EFCAB5: variants seen among roughly 807,000 people sequenced by gnomAD.
The protein encoded by EFCAB5 is EF-hand calcium-binding domain-containing protein 5.
In EFCAB5, 131 loss-of-function variants were observed where a neutral mutation model predicts 167.9. The observed-to-expected ratio is 0.78, with a 90% CI of 0.68 to 0.90. The LOEUF (loss-of-function observed/expected upper bound fraction) is 0.90, where lower values mean the gene tolerates loss of function less well. EFCAB5 is among the 40% of genes least tolerant of loss of function. The pLI, the probability that EFCAB5 is intolerant of heterozygous loss-of-function variation, is 0.00. For synonymous variants in EFCAB5, 574 were observed against 602.8 expected (o/e 0.95, Z 0.70); for missense variants, 1,663 against 1,745.2 (o/e 0.95, Z 0.84).
chr17:30,096,114 G>T (rs2071283422), intron 22 of EFCAB5, among the ~76,000 whole-genome samples: 1 of 152,052 alleles, frequency 6.6e-6, no homozygotes, highest in Non-Finnish European at 1.5e-5. Flanking sequence ...ACAAGAGAAG[G>T]GTATAACACT....
intron 3 of EFCAB5, among the ~76,000 whole-genome samples, chr17:29,956,802 G>A (rs1368115915): frequency 6.6e-6 from 1 of 152,050 alleles, no homozygotes; most frequent in African/African-American, 2.4e-5. Context: ...TAGAAGTCAC[G>A]GGAGTGATTG....
chr17:30,022,471 G>A (rs559198755), intron 7 of EFCAB5, among the ~76,000 whole-genome samples: 43 of 152,016 alleles, frequency 2.8e-4, no homozygotes, highest in African/African-American at 1.0e-3. Context: ...ATGAACAGAC[G>A]GCAATGAACA....
intron 14 of EFCAB5, chr17:30,068,879 A>G: frequency 6.6e-7 from 1 of 1,505,896 alleles, no homozygotes. Flanking sequence ...ACCATGTCTG[A>G]ATATGGGAGG....
At chr17:30,096,080 A>G (rs2071282695) in intron 22 of EFCAB5, among the ~76,000 whole-genome samples, 1 of 152,214 alleles carries the variant, frequency 6.6e-6, no homozygotes, top group Non-Finnish European at 1.5e-5. Context: ...GAGTTATGAT[A>G]TTAGACAAGT....
At chr17:30,010,214 T>C (rs548954393) in intron 7 of EFCAB5, among the ~76,000 whole-genome samples, 4 of 152,158 alleles carry the variant, frequency 2.6e-5, no homozygotes, top group Non-Finnish European at 4.4e-5. Context: ...CATTGATGGA[T>C]ATTTGGGTTG....
chr17:29,952,710 T>C (rs774578218), intron 3 of EFCAB5, among the ~76,000 whole-genome samples: 1 of 152,098 alleles, frequency 6.6e-6, no homozygotes, highest in Non-Finnish European at 1.5e-5. Context: ...ATTCCTTAGA[T>C]AGAATAAAAA....
chr17:30,026,892 A>G (rs1032622501), intron 7 of EFCAB5, among the ~76,000 whole-genome samples: 1 of 150,220 alleles, frequency 6.7e-6, no homozygotes, highest in Non-Finnish European at 1.5e-5. Flanking sequence ...ATCTTTCACA[A>G]GAAAATTTCA....
intron 7 of EFCAB5, among the ~76,000 whole-genome samples, chr17:30,019,704 CCAAAGTG>C (rs2069129808): frequency 6.6e-6 from 1 of 152,112 alleles, no homozygotes; most frequent in Non-Finnish European, 1.5e-5. Context: ...CCTCGGCCTC[CCAAAGTG>C]CTAGGATTAC....
At chr17:29,930,318 G>A (rs2067170438) in intron 1 of EFCAB5, 2 of 388,172 alleles carry the variant, frequency 5.2e-6, no homozygotes, top group Non-Finnish European at 9.3e-6. Context: ...TGAGTTGCCG[G>A]AAGCTGGCCG....
chr17:30,080,421 G>C (rs772136402), intron 16 of EFCAB5, among the ~76,000 whole-genome samples, 180 bp downstream of exon 16: 1 of 152,140 alleles, frequency 6.6e-6, no homozygotes, highest in Non-Finnish European at 1.5e-5. Context: ...TCTAGAGCTC[G>C]CTCTTTGGTA....
chr17:29,995,316 T>C (rs2068521553), intron 5 of EFCAB5, among the ~76,000 whole-genome samples: 1 of 152,248 alleles, frequency 6.6e-6, no homozygotes, highest in African/African-American at 2.4e-5. Context: ...ACAGATGTTA[T>C]TGTTCTTTGG....
chr17:30,080,936 C>T lies in EFCAB5; in HGVS notation c.3381C>T (p.Pro1127=). The change falls in exon 17 of 23, where the codon CCC becomes CCT. Residue 1127 remains proline, a synonymous_variant. Transcript: ENST00000394835. ...GVLAVDTLRD[P]HEINIFLPHE... ...TGGCTGTTGATACCCTTAGAGATCC[C>T]CACGAAATAAACATCTTTCTACCTC... 6.2e-7 allele frequency: 1 copy of T among 1,613,340 alleles called. No homozygotes were observed. The highest frequency in any genetic ancestry group is 8.5e-7 in the Non-Finnish European group (1 of 1,179,826).
chr17:30,005,216 T>C (rs1044335371), intron 7 of EFCAB5, among the ~76,000 whole-genome samples: 7 of 152,190 alleles, frequency 4.6e-5, no homozygotes, highest in Non-Finnish European at 1.0e-4. Flanking sequence ...GTAGGTATTA[T>C]TGAGTATAAG....
chr17:30,021,897 C>G (rs2069188584), intron 7 of EFCAB5, among the ~76,000 whole-genome samples: 1 of 152,014 alleles, frequency 6.6e-6, no homozygotes, highest in African/African-American at 2.4e-5. Flanking sequence ...CAGGTGCCGC[C>G]TAGTGGAGAT....
At chr17:29,932,417 C>G (rs1372855534) in intron 1 of EFCAB5, among the ~76,000 whole-genome samples, 2 of 141,588 alleles carry the variant, frequency 1.4e-5, no homozygotes, top group African/African-American at 2.6e-5. Context: ...TCCCAAAGTG[C>G]TAGGATTACA....
chr17:30,024,822 G>T (rs541002162), intron 7 of EFCAB5, among the ~76,000 whole-genome samples: 1 of 152,238 alleles, frequency 6.6e-6, no homozygotes, highest in Admixed American at 6.5e-5. Context: ...CGTGGTACTG[G>T]TACCAAAACA....
intron 3 of EFCAB5, among the ~76,000 whole-genome samples, chr17:29,959,255 G>C (rs2067675461): frequency 6.6e-6 from 1 of 152,172 alleles, no homozygotes; most frequent in South Asian, 2.1e-4. Flanking sequence ...TTCTGGCCCA[G>C]AGTGAGTCTA....
chr17:30,099,611 G>A (rs1206987502), intron 22 of EFCAB5, among the ~76,000 whole-genome samples: 2 of 152,174 alleles, frequency 1.3e-5, no homozygotes, highest in African/African-American at 4.8e-5. Context: ...TCTGGATACT[G>A]GCTGGGCTTT....
chr17:30,013,046 A>C (rs901559961), intron 7 of EFCAB5, among the ~76,000 whole-genome samples: 2 of 152,206 alleles, frequency 1.3e-5, no homozygotes, highest in African/African-American at 2.4e-5. Flanking sequence ...CCTTCTCTGC[A>C]TCTATTGACA....
Sources: allele counts gnomAD v4.1 joint callset (sites outside exome capture counted in the v4.1 genomes callset), GRCh38; gene constraint gnomAD v4.1.1; transcripts MANE v1.5; gene names NCBI Gene and HGNC (gene_info 2026-07-23, HGNC 2026-07-21).